The following SNCAIP variants were observed in gnomAD, a reference collection of about 807,000 sequenced individuals.
The protein encoded by SNCAIP is synphilin-1.
Under a neutral mutation model 86.7 loss-of-function variants are expected in SNCAIP, and 43 were observed. That is an observed-to-expected ratio of 0.50 (90% CI 0.39 to 0.64). The LOEUF (loss-of-function observed/expected upper bound fraction) is 0.64. Among genes scored for constraint, SNCAIP ranks in the 30% least tolerant of loss-of-function variants. The probability of loss-of-function intolerance (pLI) is 0.00; values close to 1 mark genes in which losing one functional copy is unlikely to be tolerated. For synonymous variants in SNCAIP, 417 were observed against 427.2 expected (o/e 0.98, Z 0.29); for missense variants, 981 against 1,103.1 (o/e 0.89, Z 1.57).
chr5:122,353,707 C>T (rs962552288), intron 1 of SNCAIP, among the ~76,000 whole-genome samples: 4 of 152,364 alleles, frequency 2.6e-5, no homozygotes, highest in Middle Eastern at 6.8e-3. Flanking sequence ...CCATGAAAGA[C>T]ATGACTTGCT....
intron 1 of SNCAIP, among the ~76,000 whole-genome samples, chr5:122,356,319 C>T (rs929470316): frequency 3.3e-5 from 5 of 151,940 alleles, no homozygotes; most frequent in Admixed American, 6.6e-5. Flanking sequence ...GGCCTCCCTA[C>T]ATTGCTCAGG....
At chr5:122,331,424 C>A (rs1201944414) in intron 1 of SNCAIP, among the ~76,000 whole-genome samples, 2 of 152,134 alleles carry the variant, frequency 1.3e-5, no homozygotes, top group Non-Finnish European at 2.9e-5. Flanking sequence ...TAATTAGTCT[C>A]TACATATTTT....
chr5:122,343,205 G>A (rs573691663), intron 1 of SNCAIP, among the ~76,000 whole-genome samples: 1 of 152,232 alleles, frequency 6.6e-6, no homozygotes, highest in South Asian at 2.1e-4. Context: ...CCTCTTTTCT[G>A]CTTACTTCTT....
At chr5:122,333,770 T>C (rs1755849954) in intron 1 of SNCAIP, among the ~76,000 whole-genome samples, 1 of 152,222 alleles carries the variant, frequency 6.6e-6, no homozygotes, top group Non-Finnish European at 1.5e-5. Context: ...CACCAGGCTG[T>C]GAACAGCAGT....
intron 1 of SNCAIP, among the ~76,000 whole-genome samples, chr5:122,383,123 G>A (rs1767282873): frequency 6.6e-6 from 1 of 152,232 alleles, no homozygotes; most frequent in Non-Finnish European, 1.5e-5. Context: ...GGCAATGGCA[G>A]GCGCCCCTCC....
At chr5:122,359,201 A>C (rs567227984) in intron 1 of SNCAIP, among the ~76,000 whole-genome samples, 4 of 152,216 alleles carry the variant, frequency 2.6e-5, no homozygotes, top group African/African-American at 9.6e-5. Context: ...ACTTAAGCCC[A>C]GAATAATATA....
intron 1 of SNCAIP, among the ~76,000 whole-genome samples, chr5:122,377,486 G>A (rs963638108): frequency 7.6e-6 from 1 of 131,554 alleles, no homozygotes; most frequent in Admixed American, 7.7e-5. Context: ...GGGTGAGAGG[G>A]AGACAGACAG....
chr5:122,387,348 T>C (rs1205920942), intron 1 of SNCAIP, among the ~76,000 whole-genome samples: 2 of 152,008 alleles, frequency 1.3e-5, no homozygotes, highest in Non-Finnish European at 2.9e-5. Context: ...TTAGTAGAGA[T>C]GGGGTTTCAT....
intron 6 of SNCAIP, among the ~76,000 whole-genome samples, chr5:122,434,339 C>T (rs1368999885): frequency 6.6e-6 from 1 of 152,138 alleles, no homozygotes; most frequent in Non-Finnish European, 1.5e-5. Flanking sequence ...ATTGGGCATT[C>T]GGCATGCTTT....
chr5:122,415,662 G>A (rs1775161141), intron 3 of SNCAIP, among the ~76,000 whole-genome samples: 1 of 152,170 alleles, frequency 6.6e-6, no homozygotes, highest in African/African-American at 2.4e-5. Context: ...AGAGTCCTTT[G>A]TCCTTGACGG....
chr5:122,314,637 A>T (rs1751326579), intron 1 of SNCAIP, among the ~76,000 whole-genome samples: 1 of 152,200 alleles, frequency 6.6e-6, no homozygotes, highest in Non-Finnish European at 1.5e-5. Flanking sequence ...TTATTTATGG[A>T]AAATGAATCA....
At position 122,440,707 on chromosome 5, in the gene SNCAIP, A is replaced by G. The variant is rs566346810; in HGVS notation, c.1375A>G (p.Ser459Gly). The G allele has an allele frequency of 1.2e-6, 2 of 1,614,078 alleles. No individual in the cohort carries two copies. Among genetic ancestry groups the G allele is most frequent in the East Asian group, 2.2e-5 (1 of 44,884 alleles). ...GGATGAAGTAGACCAGGATGGCAAC[A>G]GTGCCGTTCACGTAGCCTCACAGCA... ...SLDEVDQDGNSAVHVASQHGY... is the reference protein window; with the variant it reads ...SLDEVDQDGNGAVHVASQHGY... Residue 459 changes from serine (S) to glycine (G), a missense_variant, in exon 7 of 11, where the codon AGT (serine) becomes GGT (glycine). Transcript: ENST00000261368.
intron 7 of SNCAIP, chr5:122,441,203 T>A (rs553726348): frequency 2.1e-5 from 4 of 186,774 alleles, no homozygotes; most frequent in Middle Eastern, 2.4e-3. Flanking sequence ...GTGTAGGGAG[T>A]TGTAGGCTAG....
chr5:122,442,802 G>A (rs377612155), intron 7 of SNCAIP, among the ~76,000 whole-genome samples: 1 of 152,084 alleles, frequency 6.6e-6, no homozygotes. Flanking sequence ...CTTTTAGAGC[G>A]TTCATCACTC....
intron 1 of SNCAIP, among the ~76,000 whole-genome samples, chr5:122,340,592 A>G (rs980067667): frequency 6.6e-6 from 1 of 152,198 alleles, no homozygotes; most frequent in African/African-American, 2.4e-5. Context: ...AAGCAAACGA[A>G]TATTTTTCAA....
chr5:122,412,382 C>CT (rs1774320326), intron 3 of SNCAIP, among the ~76,000 whole-genome samples: 1 of 152,184 alleles, frequency 6.6e-6, no homozygotes, highest in African/African-American at 2.4e-5. Flanking sequence ...GTCAAATGCA[C>CT]TGACACTTTG....
chr5:122,345,010 C>T (rs57202612), intron 1 of SNCAIP, among the ~76,000 whole-genome samples: 1,709 of 152,240 alleles, frequency 0.011, 31 homozygotes, highest in African/African-American at 0.039. Flanking sequence ...TAAAGATACA[C>T]ATTCTACCAA....
At chr5:122,368,121 G>A (rs1304342779) in intron 1 of SNCAIP, among the ~76,000 whole-genome samples, 1 of 152,140 alleles carries the variant, frequency 6.6e-6, no homozygotes, top group Non-Finnish European at 1.5e-5. Context: ...GATTGGCCTA[G>A]AGAGTGGCAA....
At chr5:122,442,502 C>A (rs929999620) in intron 7 of SNCAIP, among the ~76,000 whole-genome samples, 20 of 152,022 alleles carry the variant, frequency 1.3e-4, no homozygotes, top group African/African-American at 4.6e-4. Context: ...TTTAAGGCAT[C>A]AAGTTTTTAA....
Sources: gnomAD v4.1 joint callset for allele counts (sites outside exome capture counted in the v4.1 genomes callset) on GRCh38, gnomAD v4.1.1 for gene constraint, MANE v1.5 for transcripts, NCBI Gene and HGNC (gene_info 2026-07-23, HGNC 2026-07-21) for gene names.